CEP162: variants seen among roughly 807,000 people sequenced by gnomAD.
CEP162 encodes the protein centrosomal protein of 162 kDa.
In CEP162, 141 loss-of-function variants were observed where a neutral mutation model predicts 169.2. The ratio of observed to expected loss-of-function variants is 0.83; its 90% CI spans 0.73 to 0.96. The LOEUF (loss-of-function observed/expected upper bound fraction) is 0.96. Among genes scored for constraint, CEP162 ranks in the 40% least tolerant of loss-of-function variants. The pLI, the probability that CEP162 is intolerant of heterozygous loss-of-function variation, is 0.00. For missense variants in CEP162, 1,600 were observed against 1,587.2 expected, an observed-to-expected ratio of 1.01 and a Z score of -0.14; for synonymous variants, 540 against 526.4, an observed-to-expected ratio of 1.03 and a Z score of -0.35.
At chr6:84,207,421 C>T (rs1037600952) in intron 6 of CEP162, among the ~76,000 whole-genome samples, 3 of 152,090 alleles carry the variant, frequency 2.0e-5, no homozygotes, top group Non-Finnish European at 4.4e-5. Flanking sequence ...TTTGTAGGGA[C>T]ATGGATGAAG....
At chr6:84,142,081 C>T (rs905083116) in intron 25 of CEP162, among the ~76,000 whole-genome samples, 12 of 151,946 alleles carry the variant, frequency 7.9e-5, no homozygotes, top group Non-Finnish European at 1.5e-4. Context: ...AAAAGGCAGC[C>T]CAGAGGGAGA....
At chr6:84,126,870 C>T (rs1477537337) in intron 25 of CEP162, among the ~76,000 whole-genome samples, 1 of 152,136 alleles carries the variant, frequency 6.6e-6, no homozygotes, top group Non-Finnish European at 1.5e-5. Flanking sequence ...ACATTTAAAG[C>T]ACTCAACATA....
At chr6:84,192,894 A>T (rs942792849) in intron 11 of CEP162, among the ~76,000 whole-genome samples, 1 of 152,232 alleles carries the variant, frequency 6.6e-6, no homozygotes, top group African/African-American at 2.4e-5. Context: ...TGTAAGGTTA[A>T]ATTAAATAAT....
At chr6:84,197,827 A>AAAC (rs200976500) in intron 9 of CEP162, among the ~76,000 whole-genome samples, 2,095 of 138,810 alleles carry the variant, frequency 0.015, 34 homozygotes, top group African/African-American at 0.056. Flanking sequence ...AAACAAAACA[A>AAAC]AAAAAAAAAA....
chr6:84,127,622 G>C (rs1330951390), intron 25 of CEP162, among the ~76,000 whole-genome samples: 1 of 152,030 alleles, frequency 6.6e-6, no homozygotes, highest in Non-Finnish European at 1.5e-5. Flanking sequence ...GCTGATAAAG[G>C]CATAGTCATA....
At chr6:84,223,408 A>C (rs1252497293) in intron 2 of CEP162, among the ~76,000 whole-genome samples, 1 of 151,832 alleles carries the variant, frequency 6.6e-6, no homozygotes, top group Non-Finnish European at 1.5e-5. Context: ...CTGACGCAGG[A>C]GAATCACTTG....
At chr6:84,164,824 G>A (rs1295125540) in intron 18 of CEP162, among the ~76,000 whole-genome samples, 1 of 151,986 alleles carries the variant, frequency 6.6e-6, no homozygotes, top group Non-Finnish European at 1.5e-5. Context: ...TAACAAACCT[G>A]CCCATTCAGT....
chr6:84,185,579 GT>G (rs1406112167), intron 12 of CEP162, 131 bp from the exon 13 acceptor site: 1 of 758,878 alleles, frequency 1.3e-6, no homozygotes, highest in Non-Finnish European at 2.1e-6. Context: ...AACTACCATA[GT>G]TAAGTTCTTG....
At chr6:84,180,404 A>T (rs147681579) in intron 13 of CEP162, among the ~76,000 whole-genome samples, 3,280 of 152,240 alleles carry the variant, frequency 0.022, 116 homozygotes, top group African/African-American at 0.074. Context: ...AATGGGCAAA[A>T]ACTAGAAGCA....
chr6:84,150,694 G>C (rs2099520762), intron 23 of CEP162, among the ~76,000 whole-genome samples: 1 of 152,106 alleles, frequency 6.6e-6, no homozygotes, highest in Admixed American at 6.6e-5. Flanking sequence ...TGGAAAACCT[G>C]AATTTTAAAT....
Position 84,193,697 on chromosome 6 carries a change from G to A in CEP162, c.1028-7C>T, listed in dbSNP as rs201006233. 8.5e-6 allele frequency: 13 copies of A among 1,535,982 alleles called. No homozygotes were observed. The highest frequency in any genetic ancestry group is 1.1e-5 in the Non-Finnish European group (13 of 1,140,062). Reference sequence around the variant, plus strand: ...TCCTCTACTGTGGGCAGATCTAAGAGGTGGAAAAAAAAGTAGAAACGAAAA... The same window carrying A: ...TCCTCTACTGTGGGCAGATCTAAGAAGTGGAAAAAAAAGTAGAAACGAAAA... On this transcript the variant is annotated splice_region_variant and splice_polypyrimidine_tract_variant and intron_variant, in intron 10 of 26. Transcript: ENST00000403245.
In CEP162 at chr6:84,219,157, CT is replaced by C; in HGVS notation, c.172+1899del. The C allele has an allele frequency of 3.1e-6, 4 of 1,292,772 alleles. No individual in the cohort carries two copies. In the South Asian group the frequency reaches 5.0e-5, roughly 16 times the overall value. 80.1% of individuals were successfully genotyped at this position (1,292,772 alleles called of 1,614,324 possible). A position where few individuals can be genotyped will look rare whatever the true frequency, so the allele number is the denominator to read the frequency against. ...TCTCAAGAGGAGTGTTGAATTCTCCCTCAGAAGGTTCTACACTCTTGATACA... is the reference window on the plus strand; with the variant it reads ...TCTCAAGAGGAGTGTTGAATTCTCCCCAGAAGGTTCTACACTCTTGATACA... On this transcript the variant is annotated intron_variant, in intron 3 of 26. Coordinates refer to ENST00000403245, the MANE Select transcript of CEP162 (RefSeq NM_014895.4).
chr6:84,182,873 A>C (rs1292130638), intron 13 of CEP162, among the ~76,000 whole-genome samples: 1 of 152,080 alleles, frequency 6.6e-6, no homozygotes, highest in Non-Finnish European at 1.5e-5. Context: ...CTTCATCCTA[A>C]CCAATGTTGA....
chr6:84,125,213 T>C lies in CEP162; in HGVS notation c.4069A>G (p.Arg1357Gly). 1 of 1,613,592 alleles carries C rather than the reference T, an allele frequency of 6.2e-7. No homozygotes were observed. Among genetic ancestry groups the C allele is most frequent in the Non-Finnish European group, 8.5e-7 (1 of 1,179,648 alleles). Reference sequence around the variant, plus strand: ...TCACGATTCTTTAACTGTGCCAGTCTTTTCCATTTTTCAACTTCTTTGTTT... The same window carrying C: ...TCACGATTCTTTAACTGTGCCAGTCCTTTCCATTTTTCAACTTCTTTGTTT... ...EQNKEVEKWK[R>G]LAQLKNRELE... is the part of the protein sequence containing the mutation. The change falls in exon 27 of 27, where the codon AGA (arginine) becomes GGA (glycine). Residue 1357 changes from arginine (R) to glycine (G), a missense_variant. Transcript: ENST00000403245.
intron 23 of CEP162, among the ~76,000 whole-genome samples, chr6:84,151,206 G>A (rs187518415): frequency 7.2e-5 from 11 of 152,120 alleles, no homozygotes; most frequent in Non-Finnish European, 4.4e-5. Flanking sequence ...GAGAGTCACC[G>A]GAGAGCAGAG....
intron 10 of CEP162, among the ~76,000 whole-genome samples, chr6:84,194,665 G>T (rs1465293669): frequency 6.6e-6 from 1 of 151,978 alleles, no homozygotes; most frequent in Non-Finnish European, 1.5e-5. Flanking sequence ...TGTTGCCCAG[G>T]ATGGTCTCAA....
Position 84,125,231 on chromosome 6 carries a change from C to A in CEP162, c.4051G>T (p.Glu1351Ter). Residue 1351 changes from glutamate to a stop codon, truncating the protein, a stop_gained, in exon 27 of 27, where the codon GAA becomes TAA. Transcript: ENST00000403245. LOFTEE classifies it high-confidence loss of function. ...GCCAGTCTTTTCCATTTTTCAACTT[C>A]TTTGTTTTGCTCAGTTTCTACTACT... is the stretch of plus-strand genomic sequence containing the variant. ...HQVVETEQNK[E>*]VEKWKRLAQL... is the part of the protein sequence containing the mutation. 6.2e-7 allele frequency: 1 copy of A among 1,613,480 alleles called. No individual in the cohort carries two copies. Among genetic ancestry groups the A allele is most frequent in the African/African-American group, 1.3e-5 (1 of 75,016 alleles).
intron 9 of CEP162, among the ~76,000 whole-genome samples, chr6:84,198,441 C>A (rs975670779): frequency 7.2e-5 from 11 of 152,070 alleles, no homozygotes; most frequent in Admixed American, 3.9e-4. Context: ...CCACACCTGG[C>A]TAATTTTCTG....
At chr6:84,145,298 G>A (rs1261342011) in intron 25 of CEP162, among the ~76,000 whole-genome samples, 1 of 152,034 alleles carries the variant, frequency 6.6e-6, no homozygotes, top group East Asian at 1.9e-4. Context: ...TTCTAGCCTG[G>A]AGATGCCAAT....
Sources: allele counts gnomAD v4.1 joint callset (sites outside exome capture counted in the v4.1 genomes callset), GRCh38; gene constraint gnomAD v4.1.1; transcripts MANE v1.5; gene names NCBI Gene and HGNC (gene_info 2026-07-23, HGNC 2026-07-21).